The following DMD variants were observed in gnomAD, a reference collection of about 807,000 sequenced individuals.
DMD encodes dystrophin.
A neutral mutation model predicts 330.1 loss-of-function variants in DMD; 63 were observed. The observed-to-expected ratio is 0.19, with a 90% CI of 0.16 to 0.24. The LOEUF (loss-of-function observed/expected upper bound fraction) is 0.24, where lower values mean the gene tolerates loss of function less well. Ranked by LOEUF, DMD falls within the 10% of genes least tolerant of loss-of-function variation. The probability of loss-of-function intolerance (pLI) is 1.00; values close to 1 mark genes in which losing one functional copy is unlikely to be tolerated. For missense variants in DMD, 3,344 were observed against 2,684.1 expected (o/e 1.25, Z -5.43); for synonymous variants, 1,223 against 959.8 (o/e 1.27, Z -5.07).
chrX:32,371,132 G>A (rs937484470), intron 34 of DMD, among the ~76,000 whole-genome samples: 2 of 111,526 alleles, frequency 1.8e-5, no homozygotes, highest in African/African-American at 6.5e-5. Flanking sequence ...TTGAGTGATA[G>A]TCATTAAATT....
intron 62 of DMD, among the ~76,000 whole-genome samples, chrX:31,301,214 A>G (rs1306857253): frequency 7.2e-5 from 8 of 111,749 alleles, no homozygotes; most frequent in Non-Finnish European, 1.5e-4. Flanking sequence ...AGCCTCCCCA[A>G]CACCCTCTGT....
chrX:33,154,953 T>G (rs1205904615), intron 1 of DMD, among the ~76,000 whole-genome samples: 1 of 112,244 alleles, frequency 8.9e-6, no homozygotes, highest in Non-Finnish European at 1.9e-5. Flanking sequence ...CTTATCCATG[T>G]GATTTTCTTC....
chrX:32,577,410 G>C (rs181543983), intron 13 of DMD, among the ~76,000 whole-genome samples: 3 of 112,624 alleles, frequency 2.7e-5, no homozygotes, highest in Non-Finnish European at 3.8e-5. Flanking sequence ...AATTAAGATA[G>C]ATGGATTCTT....
intron 74 of DMD, among the ~76,000 whole-genome samples, chrX:31,150,733 A>C (rs1249866153): frequency 8.9e-6 from 1 of 112,190 alleles, no homozygotes; most frequent in African/African-American, 3.2e-5. Context: ...CCATACTCGG[A>C]ATGAACATTC....
intron 48 of DMD, among the ~76,000 whole-genome samples, chrX:31,854,476 A>G (rs1286537413): frequency 8.9e-6 from 1 of 111,817 alleles, no homozygotes; most frequent in Non-Finnish European, 1.9e-5. Context: ...TGCACTTAAC[A>G]TAAATCATCT....
At chrX:32,569,880 T>G (rs1267976580) in intron 15 of DMD, among the ~76,000 whole-genome samples, 3 of 111,753 alleles carry the variant, frequency 2.7e-5, no homozygotes, top group African/African-American at 9.8e-5. Context: ...AGGTTTCTTC[T>G]TGACTTGGAT....
At chrX:31,959,886 T>C (rs1420872335) in intron 45 of DMD, among the ~76,000 whole-genome samples, 1 of 103,612 alleles carries the variant, frequency 9.7e-6, no homozygotes, top group Non-Finnish European at 2.0e-5. Context: ...CACCTCAGAC[T>C]CCCATGTAGC....
intron 43 of DMD, among the ~76,000 whole-genome samples, chrX:32,231,473 C>T (rs1342790357): frequency 9.0e-6 from 1 of 111,703 alleles, no homozygotes; most frequent in Non-Finnish European, 1.9e-5. Context: ...CGAAAATGTC[C>T]CTTTTACATG....
intron 29 of DMD, among the ~76,000 whole-genome samples, chrX:32,421,815 C>G (rs7064854): frequency 1.8e-5 from 2 of 110,684 alleles, no homozygotes; most frequent in South Asian, 7.6e-4. Context: ...CTTGTCATAC[C>G]TCAGATATAG....
intron 12 of DMD, among the ~76,000 whole-genome samples, chrX:32,602,527 G>C (rs774288047): frequency 8.1e-5 from 9 of 111,622 alleles, no homozygotes; most frequent in African/African-American, 2.9e-4. Flanking sequence ...GTGAAATTCA[G>C]TTCCAATGAT....
At chrX:31,968,799 A>C (rs772444914) in intron 44 of DMD, among the ~76,000 whole-genome samples, 2 of 112,049 alleles carry the variant, frequency 1.8e-5, no homozygotes, top group African/African-American at 6.5e-5. Flanking sequence ...CAAATCAATT[A>C]GTTGGAAACC....
intron 9 of DMD, among the ~76,000 whole-genome samples, chrX:32,683,445 A>T (rs1488574814): frequency 9.1e-6 from 1 of 109,611 alleles, no homozygotes; most frequent in Non-Finnish European, 1.9e-5. Context: ...CATATACACC[A>T]TGGAATACTA....
At chrX:32,289,091 A>G (rs1336260007) in intron 42 of DMD, among the ~76,000 whole-genome samples, 1 of 111,761 alleles carries the variant, frequency 8.9e-6, no homozygotes, top group Non-Finnish European at 1.9e-5. Context: ...ATTGTGTTTT[A>G]CTGTTGTGGA....
intron 7 of DMD, among the ~76,000 whole-genome samples, chrX:32,726,029 G>A (rs1381754820): frequency 9.1e-6 from 1 of 110,137 alleles, no homozygotes; most frequent in East Asian, 2.8e-4. Context: ...ATTTCTAATA[G>A]GTATATCTCT....
chrX:33,007,117 C>A (rs980770909), intron 2 of DMD, among the ~76,000 whole-genome samples: 1 of 111,180 alleles, frequency 9.0e-6, no homozygotes, highest in Non-Finnish European at 1.9e-5. Context: ...ATCCTACATT[C>A]TAACTTACAT....
Position 33,009,122 on chromosome X carries a change from ACG to A in DMD, c.93+11015_93+11016del, listed in dbSNP as rs2093495597. Reference sequence around the variant, plus strand: ...TATATGTATATATATGTGTATATATACGTATATATGTATATATATGTGTATAT... The same window carrying A: ...TATATGTATATATATGTGTATATATATATATATGTATATATATGTGTATAT... On this transcript the variant is annotated intron_variant, in intron 2 of 78. Coordinates refer to ENST00000357033, the MANE Select transcript of DMD (RefSeq NM_004006.3). 1.5e-4 allele frequency among the ~76,000 whole-genome samples: 7 copies of A among 48,209 alleles called. 1 individual carries two copies. Among genetic ancestry groups the A allele is most frequent in the Non-Finnish European group, 2.6e-4 (7 of 26,622 alleles). The allele number at this position is 48,209 out of a possible 115,157, so 41.9% of individuals were successfully genotyped here. A position where few individuals can be genotyped will look rare whatever the true frequency, so the allele number is the denominator to read the frequency against.
rs945415271 is a variant in DMD at position 32,285,107 on chromosome X, T to A, written c.6290+2422A>T. On this transcript the variant is annotated intron_variant, in intron 43 of 78. Transcript: ENST00000357033. The stretch of plus-strand genomic sequence containing the variant: ...TCATGAGTAAAGCGGAGGAGAAACC[T>A]CAAAAAGCAGAAAGCGTTATTTCTA... Among the ~76,000 whole-genome samples, 7 of 112,187 alleles carry A rather than the reference T, an allele frequency of 6.2e-5. 1 individual carries two copies. The highest frequency in any genetic ancestry group is 5.7e-4 in the Admixed American group (6 of 10,605).
chrX:32,781,366 G>A, intron 7 of DMD, among the ~76,000 whole-genome samples: 1 of 111,594 alleles, frequency 9.0e-6, no homozygotes, highest in Non-Finnish European at 1.9e-5. Context: ...TACAATCAAA[G>A]TGAAACATGA....
chrX:31,706,556 A>T (rs1226863449), intron 52 of DMD, among the ~76,000 whole-genome samples: 11 of 108,475 alleles, frequency 1.0e-4, no homozygotes, highest in Non-Finnish European at 1.9e-5. Context: ...GTTTATCAAC[A>T]TTTTTTTTTG....
Sources: allele counts gnomAD v4.1 joint callset (sites outside exome capture counted in the v4.1 genomes callset), GRCh38; gene constraint gnomAD v4.1.1; transcripts MANE v1.5; gene names NCBI Gene and HGNC (gene_info 2026-07-23, HGNC 2026-07-21).